PSD3: variants seen among roughly 807,000 people sequenced by gnomAD.
The protein encoded by PSD3 is PH and SEC7 domain-containing protein 3.
Under a neutral mutation model 105.5 loss-of-function variants are expected in PSD3, and 49 were observed. The observed-to-expected ratio is 0.46, with a 90% CI of 0.37 to 0.59. The LOEUF (loss-of-function observed/expected upper bound fraction) is 0.59. Ranked by LOEUF, PSD3 falls within the 20% of genes least tolerant of loss-of-function variation. The probability of loss-of-function intolerance (pLI) is 0.00; values close to 1 mark genes in which losing one functional copy is unlikely to be tolerated. For synonymous variants in PSD3, 557 were observed against 457.8 expected (o/e 1.22, Z -2.77); for missense variants, 1,561 against 1,263.8 (o/e 1.24, Z -3.57).
intron 1 of PSD3, among the ~76,000 whole-genome samples, chr8:18,954,091 G>T (rs1254816790): frequency 6.6e-6 from 1 of 152,046 alleles, no homozygotes; most frequent in Non-Finnish European, 1.5e-5. Flanking sequence ...GTATACACTT[G>T]CTCCTCAACT....
intron 2 of PSD3, among the ~76,000 whole-genome samples, chr8:18,909,473 A>C (rs1048206419): frequency 3.9e-5 from 6 of 151,926 alleles, no homozygotes; most frequent in African/African-American, 7.3e-5. Flanking sequence ...TCTTCTTATT[A>C]TTATTATTTT....
Position 18,655,331 on chromosome 8 carries a change from A to C in PSD3, c.2216+311T>G, listed in dbSNP as rs868745913. ...GCGACAAAGCCAGACTCCACCTCAAAAAAAAAAAAAAAAAAATTAAAAGAC... is the reference window on the plus strand; with the variant it reads ...GCGACAAAGCCAGACTCCACCTCAACAAAAAAAAAAAAAAAATTAAAAGAC... On this transcript the variant is annotated intron_variant, in intron 10 of 15. Transcript: ENST00000327040. Among the ~76,000 whole-genome samples the C allele has an allele frequency of 2.9e-4, 33 of 112,726 alleles. No individual in the cohort carries two copies. The Middle Eastern group carries it at 0.016, about 55-fold the overall frequency. 74.0% of individuals were successfully genotyped at this position (112,726 alleles called of 152,430 possible).
intron 1 of PSD3, among the ~76,000 whole-genome samples, chr8:18,960,949 G>T (rs974887904): frequency 7.2e-5 from 11 of 151,990 alleles, no homozygotes; most frequent in Non-Finnish European, 1.0e-4. Context: ...AGGCTGTTGT[G>T]GCACTGAGCA....
At chr8:18,684,126 T>A (rs1446384275) in intron 9 of PSD3, 1 of 510,068 alleles carries the variant, frequency 2.0e-6, no homozygotes, top group Non-Finnish European at 3.5e-6. Context: ...GCGAGTCTGA[T>A]TGTTCCAGGC....
intron 10 of PSD3, among the ~76,000 whole-genome samples, chr8:18,655,328 C>CAAAA (rs35143136): frequency 8.0e-5 from 8 of 100,160 alleles, no homozygotes; most frequent in African/African-American, 2.8e-4. Context: ...GACTCCACCT[C>CAAAA]AAAAAAAAAA....
intron 10 of PSD3, among the ~76,000 whole-genome samples, chr8:18,640,490 T>C (rs1012810348): frequency 4.6e-5 from 7 of 152,098 alleles, no homozygotes; most frequent in Non-Finnish European, 1.0e-4. Flanking sequence ...GATATTAAGT[T>C]CTCGTGAGAT....
At position 18,904,619 on chromosome 8, in the gene PSD3, G is replaced by A. The variant is rs541620932; in HGVS notation, c.130+31415C>T. 3.9e-4 allele frequency among the ~76,000 whole-genome samples: 60 copies of A among 152,302 alleles called. 1 individual carries two copies. Among genetic ancestry groups the A allele is most frequent in the Non-Finnish European group, 8.1e-4 (55 of 68,018 alleles). ...CCTGTACTACCATTGTATCTTGGAA[G>A]TAAATAACAAAACAAAATAAAAATT... On this transcript the variant is annotated intron_variant, in intron 2 of 15. Coordinates refer to ENST00000327040, the MANE Select transcript of PSD3 (RefSeq NM_015310.4).
At chr8:18,726,675 C>A (rs1056322492) in intron 9 of PSD3, among the ~76,000 whole-genome samples, 5 of 152,264 alleles carry the variant, frequency 3.3e-5, no homozygotes, top group Admixed American at 2.6e-4. Flanking sequence ...ATCTTTATAA[C>A]CCCTAGAACA....
At chr8:18,690,732 C>A (rs1250972109) in intron 9 of PSD3, among the ~76,000 whole-genome samples, 1 of 152,184 alleles carries the variant, frequency 6.6e-6, no homozygotes, top group Non-Finnish European at 1.5e-5. Context: ...AACACTTGGC[C>A]CACAGTGCCG....
chr8:18,752,611 A>ATATAT (rs1491436928), intron 9 of PSD3, among the ~76,000 whole-genome samples: 13 of 78,912 alleles, frequency 1.6e-4, no homozygotes, highest in Non-Finnish European at 2.6e-4. Flanking sequence ...TATATATAAT[A>ATATAT]CATATAATAT....
chr8:18,914,992 T>C (rs1319123569), intron 2 of PSD3, among the ~76,000 whole-genome samples: 3 of 151,940 alleles, frequency 2.0e-5, no homozygotes, highest in Non-Finnish European at 2.9e-5. Flanking sequence ...GGTACTAGCA[T>C]AAAAACAGAC....
intron 13 of PSD3, among the ~76,000 whole-genome samples, chr8:18,573,538 A>T (rs73211716): frequency 0.088 from 13,085 of 148,642 alleles, 794 homozygotes; most frequent in African/African-American, 0.17. Flanking sequence ...TCCTGAGTCA[A>T]AAAAGGGAAA....
At chr8:18,774,374 G>A (rs1022181772) in intron 8 of PSD3, among the ~76,000 whole-genome samples, 3 of 152,096 alleles carry the variant, frequency 2.0e-5, no homozygotes, top group African/African-American at 7.2e-5. Context: ...CTTTGTGTTG[G>A]GAACATTTCA....
chr8:18,974,355 C>T (rs1163036849), intron 1 of PSD3, among the ~76,000 whole-genome samples: 1 of 152,204 alleles, frequency 6.6e-6, no homozygotes, highest in African/African-American at 2.4e-5. Context: ...TCCAACTAGG[C>T]TCTGACTTGG....
intron 12 of PSD3, among the ~76,000 whole-genome samples, chr8:18,578,414 GA>G (rs1426540133): frequency 1.3e-5 from 2 of 152,048 alleles, no homozygotes; most frequent in Admixed American, 1.3e-4. Flanking sequence ...CATGATTTGT[GA>G]AATTCTTCCT....
intron 2 of PSD3, among the ~76,000 whole-genome samples, chr8:18,909,174 G>C (rs1382332229): frequency 1.3e-5 from 2 of 152,132 alleles, no homozygotes; most frequent in Non-Finnish European, 2.9e-5. Context: ...ATTGCATTGA[G>C]CCATCCCTAT....
intron 4 of PSD3, among the ~76,000 whole-genome samples, chr8:18,814,243 C>G (rs1483904078): frequency 6.6e-6 from 1 of 152,186 alleles, no homozygotes; most frequent in African/African-American, 2.4e-5. Flanking sequence ...ACAGATTCTG[C>G]CCCCAGCCCC....
chr8:18,998,291 T>C (rs1201769989), intron 1 of PSD3, among the ~76,000 whole-genome samples: 2 of 152,002 alleles, frequency 1.3e-5, no homozygotes, highest in African/African-American at 4.8e-5. Flanking sequence ...ATCTGGCCCA[T>C]TGTAAAGAAA....
chr8:18,555,652 A>G (rs1029558404), intron 15 of PSD3, among the ~76,000 whole-genome samples: 1 of 152,228 alleles, frequency 6.6e-6, no homozygotes, highest in Non-Finnish European at 1.5e-5. Context: ...TTTCCATGCC[A>G]TAGCATATGG....
Sources: gnomAD v4.1 joint callset for allele counts (sites outside exome capture counted in the v4.1 genomes callset) on GRCh38, gnomAD v4.1.1 for gene constraint, MANE v1.5 for transcripts, NCBI Gene and HGNC (gene_info 2026-07-23, HGNC 2026-07-21) for gene names.